Variants in NAV3 observed in about 807,000 individuals in gnomAD.
NAV3 encodes neuron navigator 3.
A neutral mutation model predicts 244.7 loss-of-function variants in NAV3; 87 were observed. That is an observed-to-expected ratio of 0.36 (90% CI 0.30 to 0.42). NAV3 has a LOEUF of 0.42. Ranked by LOEUF, NAV3 falls within the 20% of genes least tolerant of loss-of-function variation. The probability of loss-of-function intolerance (pLI) is 1.00; values close to 1 mark genes in which losing one functional copy is unlikely to be tolerated. For synonymous variants in NAV3, 1,126 were observed against 1,042.2 expected (o/e 1.08, Z -1.55); for missense variants, 2,663 against 2,893.3 (o/e 0.92, Z 1.83).
chr12:77,973,277 A>G (rs1301695762), intron 5 of NAV3, among the ~76,000 whole-genome samples: 3 of 152,210 alleles, frequency 2.0e-5, no homozygotes, highest in African/African-American at 7.2e-5. Context: ...ATGTAAAAAG[A>G]AGAAAATTGA....
chr12:77,803,442 G>T (rs1205882384), intron 2 of NAV3, among the ~76,000 whole-genome samples: 2 of 152,114 alleles, frequency 1.3e-5, no homozygotes, highest in Non-Finnish European at 2.9e-5. Flanking sequence ...CCATGTCCCT[G>T]CATGGGACAT....
At chr12:77,758,634 C>T (rs771487607) in intron 2 of NAV3, among the ~76,000 whole-genome samples, 5 of 152,026 alleles carry the variant, frequency 3.3e-5, no homozygotes, top group Non-Finnish European at 5.9e-5. Context: ...TACAAAGAGC[C>T]GTACAAAATA....
intron 10 of NAV3, 101 bp downstream of exon 10, chr12:78,050,202 C>T (rs1882531277): frequency 2.0e-5 from 16 of 815,874 alleles, no homozygotes; most frequent in Non-Finnish European, 2.6e-5. Context: ...TTTCAGTTTC[C>T]CCTTACTATT....
chr12:77,659,811 G>A, intron 2 of NAV3, among the ~76,000 whole-genome samples: 1 of 152,090 alleles, frequency 6.6e-6, no homozygotes, highest in East Asian at 1.9e-4. Flanking sequence ...TCCTTTGTAG[G>A]GACATGGATG....
chr12:77,799,862 C>T (rs147830144), intron 2 of NAV3, among the ~76,000 whole-genome samples: 74 of 151,930 alleles, frequency 4.9e-4, no homozygotes, highest in Middle Eastern at 3.4e-3. Context: ...TATTCAATAA[C>T]GATATGTAGT....
chr12:77,814,932 C>T (rs1395920925), intron 2 of NAV3, among the ~76,000 whole-genome samples: 1 of 152,124 alleles, frequency 6.6e-6, no homozygotes, highest in Non-Finnish European at 1.5e-5. Flanking sequence ...GAAATATATG[C>T]TGCTAGACAT....
chr12:77,991,238 C>G (rs1433977742), intron 5 of NAV3, among the ~76,000 whole-genome samples: 2 of 151,948 alleles, frequency 1.3e-5, no homozygotes, highest in Non-Finnish European at 2.9e-5. Context: ...GTTGGCCAGG[C>G]TGGTCTCAAA....
chr12:78,001,022 A>AT (rs1264142937), intron 7 of NAV3, among the ~76,000 whole-genome samples: 7 of 151,742 alleles, frequency 4.6e-5, no homozygotes, highest in African/African-American at 9.7e-5. Flanking sequence ...CAAATGGTAC[A>AT]TTTTTTAATA....
chr12:77,969,175 AGT>A (rs1200565962), intron 5 of NAV3, among the ~76,000 whole-genome samples: 6 of 145,258 alleles, frequency 4.1e-5, no homozygotes, highest in African/African-American at 1.0e-4. Flanking sequence ...TGTGTGCATG[AGT>A]GTGTGTGTGT....
intron 1 of NAV3, among the ~76,000 whole-genome samples, chr12:77,838,849 T>C (rs1875122018): frequency 6.6e-6 from 1 of 152,228 alleles, no homozygotes; most frequent in Non-Finnish European, 1.5e-5. Context: ...CTCTCTGGAC[T>C]TCAATCTCTG....
At chr12:77,861,924 A>C (rs1320970730) in intron 1 of NAV3, among the ~76,000 whole-genome samples, 1 of 151,872 alleles carries the variant, frequency 6.6e-6, no homozygotes, top group Non-Finnish European at 1.5e-5. Context: ...TAGGATTTCA[A>C]CCATTTTTTC....
chr12:77,604,535 G>A (rs998882955), intron 2 of NAV3, among the ~76,000 whole-genome samples: 1 of 151,582 alleles, frequency 6.6e-6, no homozygotes, highest in Non-Finnish European at 1.5e-5. Context: ...TTATTTTCCT[G>A]CTAGGAACCA....
At chr12:78,085,998 G>A (rs1047277717) in intron 12 of NAV3, among the ~76,000 whole-genome samples, 2 of 152,058 alleles carry the variant, frequency 1.3e-5, no homozygotes, top group Admixed American at 6.6e-5. Context: ...GAATGCAAAC[G>A]CTGGGTTTCC....
At chr12:77,845,632 A>G (rs1876489886) in intron 1 of NAV3, among the ~76,000 whole-genome samples, 1 of 150,996 alleles carries the variant, frequency 6.6e-6, no homozygotes, top group African/African-American at 2.4e-5. Context: ...TATTTTCATT[A>G]AGTTTGATTA....
rs922360765 is a variant in NAV3 at position 78,160,373 on chromosome 12, T to C, written c.4869+1087T>C. 7.2e-5 allele frequency among the ~76,000 whole-genome samples: 5 copies of C among 69,296 alleles called. No homozygotes were observed. In the Admixed American group the frequency reaches 8.4e-4, roughly 12 times the overall value. 45.5% of individuals were successfully genotyped at this position (69,296 alleles called of 152,430 possible). A position where few individuals can be genotyped will look rare whatever the true frequency, so the allele number is the denominator to read the frequency against. On this transcript the variant is annotated intron_variant, in intron 23 of 39. Coordinates refer to ENST00000397909, the MANE Select transcript of NAV3 (RefSeq NM_001024383.2). ...GAGATAGGTGAAACCTATAGAATTC[T>C]ATGGAGTGTGTGTGTGTGTGTGTGT...
chr12:77,993,430 A>G (rs115928491), intron 5 of NAV3, among the ~76,000 whole-genome samples: 92 of 152,260 alleles, frequency 6.0e-4, no homozygotes, highest in African/African-American at 2.1e-3. Flanking sequence ...TTTCTGAATT[A>G]CTTTCTGATA....
chr12:77,708,401 T>C (rs140976598), intron 2 of NAV3, among the ~76,000 whole-genome samples: 5,039 of 152,320 alleles, frequency 0.033, 164 homozygotes, highest in Middle Eastern at 0.037. Context: ...GGCTCTGTTC[T>C]GTTCCATTGA....
At chr12:77,788,662 C>T (rs1054173731) in intron 2 of NAV3, among the ~76,000 whole-genome samples, 6 of 150,310 alleles carry the variant, frequency 4.0e-5, no homozygotes, top group Admixed American at 3.3e-4. Context: ...CCTCCTCCTT[C>T]CCACCCCCCT....
chr12:77,780,146 C>T lies in NAV3; in HGVS notation c.73-160173C>T, dbSNP rs182928280. On this transcript the variant is annotated intron_variant, in intron 2 of 8. Transcript: ENST00000550042. ...GTTGCAGAGGAAGTGGAGCGAGGCGCACGGGTGAGCAGAATATATTTGTGC... is the reference window on the plus strand; with the variant it reads ...GTTGCAGAGGAAGTGGAGCGAGGCGTACGGGTGAGCAGAATATATTTGTGC... Among the ~76,000 whole-genome samples, 4 of 152,172 alleles carry T rather than the reference C, an allele frequency of 2.6e-5. No individual in the cohort carries two copies. In the East Asian group the frequency reaches 7.7e-4, roughly 29 times the overall value.
Sources: gnomAD v4.1 joint callset for allele counts (sites outside exome capture counted in the v4.1 genomes callset) on GRCh38, gnomAD v4.1.1 for gene constraint, MANE v1.5 for transcripts, NCBI Gene and HGNC (gene_info 2026-07-23, HGNC 2026-07-21) for gene names.